The following ADGRE5 variants were observed in gnomAD, a reference collection of about 807,000 sequenced individuals.
ADGRE5 encodes the protein CD97 molecule.
Under a neutral mutation model 100.3 loss-of-function variants are expected in ADGRE5, and 72 were observed. The observed-to-expected ratio is 0.72, with a 90% CI of 0.59 to 0.87. The LOEUF (loss-of-function observed/expected upper bound fraction) is 0.87. Ranked by LOEUF, ADGRE5 falls within the 40% of genes least tolerant of loss-of-function variation. ADGRE5 has a pLI of 0.00. For synonymous variants in ADGRE5, 439 were observed against 447.8 expected (o/e 0.98, Z 0.25); for missense variants, 959 against 1,094.7 (o/e 0.88, Z 1.75).
At position 14,388,750 on chromosome 19, in the gene ADGRE5, C is replaced by T; in HGVS notation, c.122C>T (p.Ala41Val). ...AACTCCTCGTGTGTCAATGCCACCGCCTGTCGCTGCAATCCAGGGTTCAGC... is the reference window on the plus strand; with the variant it reads ...AACTCCTCGTGTGTCAATGCCACCGTCTGTCGCTGCAATCCAGGGTTCAGC... ...PQNSSCVNAT[A>V]CRCNPGFSSF... Residue 41 changes from alanine to valine, a missense_variant, in exon 3 of 20, where the codon GCC becomes GTC. Coordinates refer to ENST00000242786, the MANE Select transcript of ADGRE5 (RefSeq NM_078481.4). 2 of 1,613,958 alleles carry T rather than the reference C, an allele frequency of 1.2e-6. No individual in the cohort carries two copies. Among genetic ancestry groups the T allele is most frequent in the Non-Finnish European group, 1.7e-6 (2 of 1,180,016 alleles).
intron 12 of ADGRE5, among the ~76,000 whole-genome samples, chr19:14,403,864 CTTTTTTTTTTTTTTTT>C (rs58411522): frequency 2.7e-5 from 2 of 74,262 alleles, no homozygotes; most frequent in African/African-American, 5.2e-5. Flanking sequence ...GCCTCTCCCA[CTTTTTTTTTTTTTTTT>C]TTTTTTTTTT....
intron 3 of ADGRE5, 27 bp from the exon 4 acceptor site, chr19:14,390,897 G>A (rs749455920): frequency 6.2e-7 from 1 of 1,609,194 alleles, no homozygotes; most frequent in South Asian, 1.1e-5. Context: ...TCTTTGGGAG[G>A]TGACTCCCTG....
intron 11 of ADGRE5, 106 bp from the exon 12 acceptor site, chr19:14,402,491 G>A (rs373439037): frequency 1.7e-5 from 19 of 1,145,184 alleles, no homozygotes; most frequent in Middle Eastern, 2.9e-4. Flanking sequence ...GGCTCCTGGC[G>A]TCATCGTGGT....
rs1428767631 is a variant in ADGRE5, at chr19:14,402,666, T to C, written c.1253T>C (p.Leu418Pro). 1 of 1,614,098 alleles carries C rather than the reference T, an allele frequency of 6.2e-7. No individual in the cohort carries two copies. The highest frequency in any genetic ancestry group is 1.7e-5 in the Admixed American group (1 of 60,004). The change falls in exon 12 of 20, where the codon CTG (leucine) becomes CCG (proline). Residue 418 changes from leucine to proline, a missense_variant. Coordinates refer to ENST00000242786, the MANE Select transcript of ADGRE5 (RefSeq NM_078481.4). ...TTGCTGGCCAATGCCTCCTTGAACC[T>C]GCATTCCAAGAAGCAAGCCGAACTG... ...TTLLANASLN[L>P]HSKKQAELEE...
Position 14,406,438 on chromosome 19 carries a change from C to T in ADGRE5, c.1929C>T (p.Arg643=). ...EGLELYFLVV[R]VFQGQGLSTR... is the part of the protein sequence containing the mutation. ...TGGAGCTCTACTTTCTTGTGGTGCG[C>T]GTGTTCCAAGGCCAGGGCCTGAGTA... The change falls in exon 15 of 20, where the codon CGC becomes CGT. Residue 643 remains arginine, a synonymous_variant. Transcript: ENST00000242786. This position sits in a 1 kb window ranked among gnomAD's most constrained non-coding sequence, Gnocchi z 6.0. 1 of 1,586,050 alleles carries T rather than the reference C, an allele frequency of 6.3e-7. No individual in the cohort carries two copies. Among genetic ancestry groups the T allele is most frequent in the Non-Finnish European group, 8.6e-7 (1 of 1,166,520 alleles).
At chr19:14,382,446 C>T (rs866816044) in intron 1 of ADGRE5, among the ~76,000 whole-genome samples, 1 of 152,210 alleles carries the variant, frequency 6.6e-6, no homozygotes, top group South Asian at 2.1e-4. Flanking sequence ...AGAGCCTCTG[C>T]GCCTCACTTT....
chr19:14,386,727 T>A (rs546647949), intron 1 of ADGRE5, among the ~76,000 whole-genome samples: 2 of 92,864 alleles, frequency 2.2e-5, no homozygotes, highest in South Asian at 3.4e-4. Flanking sequence ...GAAATGAAGA[T>A]GGCAGGCTGG....
At chr19:14,393,637 G>A (rs763051576) in intron 4 of ADGRE5, among the ~76,000 whole-genome samples, 9 of 152,194 alleles carry the variant, frequency 5.9e-5, no homozygotes, top group Non-Finnish European at 1.2e-4. Context: ...GAAAGGGCCG[G>A]CAGCCCAGAT....
intron 12 of ADGRE5, 119 bp from the exon 13 acceptor site, chr19:14,404,264 C>T: frequency 1.1e-6 from 1 of 872,500 alleles, no homozygotes; most frequent in Non-Finnish European, 1.8e-6. Context: ...CTGTTACATT[C>T]AGTAGGCGCT....
intron 1 of ADGRE5, among the ~76,000 whole-genome samples, chr19:14,387,308 A>G (rs1975393316): frequency 6.6e-6 from 1 of 151,946 alleles, no homozygotes; most frequent in African/African-American, 2.4e-5. Context: ...GCCCTTCCCT[A>G]CTCAGTTCCT....
chr19:14,392,983 C>T (rs557103220), intron 4 of ADGRE5, among the ~76,000 whole-genome samples: 4 of 151,304 alleles, frequency 2.6e-5, no homozygotes, highest in South Asian at 4.2e-4. Context: ...GGGTGGATCA[C>T]GAGGTCAGGA....
At chr19:14,402,103 C>A (rs115296260) in intron 11 of ADGRE5, among the ~76,000 whole-genome samples, 331 of 151,734 alleles carry the variant, frequency 2.2e-3, no homozygotes, top group African/African-American at 7.3e-3. Context: ...AGCACTCCAG[C>A]CTGGACGACA....
intron 17 of ADGRE5, 40 bp from the exon 18 acceptor site, chr19:14,407,021 G>A (rs768098128): frequency 5.0e-6 from 8 of 1,613,736 alleles, no homozygotes; most frequent in South Asian, 1.1e-5. Context: ...TGAAGCTGGA[G>A]GTGAGGTGGG....
chr19:14,398,563 T>C lies in ADGRE5; in HGVS notation c.897+424T>C, dbSNP rs562981028. On this transcript the variant is annotated intron_variant, in intron 9 of 19. Transcript: ENST00000242786. ...GGTGGCGGGTGCCTGTAGTCCCAGC[T>C]ACTCAGCAGGCTGAGGCAGGACAAT... Among the ~76,000 whole-genome samples, 3 of 150,364 alleles carry C rather than the reference T, an allele frequency of 2.0e-5. No individual in the cohort carries two copies. The Admixed American group carries it at 2.0e-4, about 10-fold the overall frequency.
rs376388702 is a variant in ADGRE5 at position 14,398,148 on chromosome 19, A to T, written c.897+9A>T. The T allele has an allele frequency of 6.2e-7, 1 of 1,613,738 alleles. No individual in the cohort carries two copies. The highest frequency in any genetic ancestry group is 1.3e-5 in the African/African-American group (1 of 75,028). The stretch of plus-strand genomic sequence containing the variant: ...CCGAGGTCACCATCCAGGTAAGGGC[A>T]GGATGCTGGGGGACCCCAGGACAGT... On this transcript the variant is annotated intron_variant, in intron 9 of 19. Coordinates refer to ENST00000242786, the MANE Select transcript of ADGRE5 (RefSeq NM_078481.4).
In ADGRE5 at chr19:14,391,190, C is replaced by T. The variant is rs574047857; in HGVS notation, c.346+111C>T. 64 of 1,397,846 alleles carry T rather than the reference C, an allele frequency of 4.6e-5. No individual in the cohort carries two copies. The South Asian group carries it at 4.7e-4, about 10-fold the overall frequency. The allele number at this position is 1,397,846 out of a possible 1,614,324, so 86.6% of individuals were successfully genotyped here. ...CCTTGGTTGTAGGGTCAGTGCCTGG[C>T]GTCTGAGATGGGACAGGTGCACATG... On this transcript the variant is annotated intron_variant, in intron 4 of 19. Transcript: ENST00000242786.
At chr19:14,384,163 G>A (rs1463039843) in intron 1 of ADGRE5, among the ~76,000 whole-genome samples, 4 of 152,132 alleles carry the variant, frequency 2.6e-5, no homozygotes, top group East Asian at 3.9e-4. Context: ...GAGGAAGAGG[G>A]GAATCCTGAC....
intron 1 of ADGRE5, among the ~76,000 whole-genome samples, chr19:14,382,190 G>A (rs2146340253): frequency 6.6e-6 from 1 of 152,342 alleles, no homozygotes; most frequent in East Asian, 1.9e-4. Context: ...AAGCAACGGG[G>A]CAACAAAGAG....
intron 1 of ADGRE5, among the ~76,000 whole-genome samples, chr19:14,385,635 G>A (rs1269883461): frequency 2.6e-5 from 4 of 152,026 alleles, no homozygotes; most frequent in Non-Finnish European, 5.9e-5. Flanking sequence ...GCCCGGGGGT[G>A]AAATATCACC....
Sources: gnomAD v4.1 joint callset for allele counts (sites outside exome capture counted in the v4.1 genomes callset) on GRCh38, gnomAD v4.1.1 for gene constraint, Gnocchi (gnomAD v3.1) non-coding constraint, MANE v1.5 for transcripts, NCBI Gene and HGNC (gene_info 2026-07-23, HGNC 2026-07-21) for gene names.